The following INPP5D variants were observed in gnomAD, a reference collection of about 807,000 sequenced individuals.
INPP5D encodes phosphatidylinositol 3,4,5-trisphosphate 5-phosphatase 1.
Under a neutral mutation model 122.9 loss-of-function variants are expected in INPP5D, and 33 were observed. The ratio of observed to expected loss-of-function variants is 0.27; its 90% CI spans 0.20 to 0.36. The LOEUF (loss-of-function observed/expected upper bound fraction) is 0.36. Ranked by LOEUF, INPP5D falls within the 10% of genes least tolerant of loss-of-function variation. The pLI is 1.00. For synonymous variants in INPP5D, 584 were observed against 576.2 expected, an observed-to-expected ratio of 1.01 and a Z score of -0.19; for missense variants, 1,053 against 1,412.7, an observed-to-expected ratio of 0.75 and a Z score of 4.08.
At chr2:233,187,244 G>A (rs530868817) in intron 21 of INPP5D, among the ~76,000 whole-genome samples, 2 of 152,268 alleles carry the variant, frequency 1.3e-5, no homozygotes, top group African/African-American at 2.4e-5. Context: ...TGACAGTGGA[G>A]ATGTTGGGTG....
Position 233,199,160 on chromosome 2 carries a change from C to T in INPP5D, c.2975+784C>T, listed in dbSNP as rs1234079512. Among the ~76,000 whole-genome samples the T allele has an allele frequency of 4.6e-5, 7 of 152,202 alleles. No individual in the cohort carries two copies. The East Asian group carries it at 1.2e-3, about 25-fold the overall frequency. On this transcript the variant is annotated intron_variant, in intron 25 of 26. Coordinates refer to ENST00000445964, the MANE Select transcript of INPP5D (RefSeq NM_001017915.3). ...AGCTGAGGCAGGAGAATCGCTTGAG[C>T]CCAGGAGGCAGAGGTTGCAGTGAGC...
intron 9 of INPP5D, among the ~76,000 whole-genome samples, chr2:233,152,158 G>A (rs1015139546): frequency 7.2e-5 from 11 of 152,204 alleles, no homozygotes; most frequent in African/African-American, 2.7e-4. Flanking sequence ...TTCCTACAGG[G>A]GTTGTTGTGA....
At chr2:233,146,849 A>G (rs1460403688) in intron 8 of INPP5D, among the ~76,000 whole-genome samples, 3 of 152,178 alleles carry the variant, frequency 2.0e-5, no homozygotes, top group South Asian at 2.1e-4. Context: ...GGCTTGACCC[A>G]AAATGCGTTC....
At chr2:233,201,008 A>ATAAATAAG (rs1232254689) in intron 25 of INPP5D, among the ~76,000 whole-genome samples, 31 of 147,130 alleles carry the variant, frequency 2.1e-4, no homozygotes, top group African/African-American at 7.0e-4. Flanking sequence ...AAATAAATAA[A>ATAAATAAG]TAGATGAGAG....
intron 13 of INPP5D, among the ~76,000 whole-genome samples, 166 bp from the exon 14 acceptor site, chr2:233,169,139 C>T (rs1017127720): frequency 6.6e-6 from 1 of 152,176 alleles, no homozygotes; most frequent in African/African-American, 2.4e-5. Flanking sequence ...ATTTTCTCAT[C>T]TCCCGCTCTC....
chr2:233,167,207 CAAAAAAAA>C (rs565735597), intron 13 of INPP5D, among the ~76,000 whole-genome samples: 1 of 102,188 alleles, frequency 9.8e-6, no homozygotes, highest in Admixed American at 1.1e-4. Context: ...ACCATTTCTA[CAAAAAAAA>C]AAAAAAAAAA....
chr2:233,093,497 A>G (rs1284806935), intron 2 of INPP5D, among the ~76,000 whole-genome samples: 1 of 151,946 alleles, frequency 6.6e-6, no homozygotes, highest in Non-Finnish European at 1.5e-5. Context: ...CCTGGCCAAC[A>G]TGGTGAAACT....
intron 23 of INPP5D, among the ~76,000 whole-genome samples, chr2:233,194,320 C>A (rs1168376110): frequency 2.6e-5 from 4 of 152,122 alleles, no homozygotes; most frequent in African/African-American, 9.7e-5. Context: ...TCCAGGCTGT[C>A]CGGGGAAGGC....
chr2:233,130,440 GTTCCCATTGGTGATGGT>G (rs1407463592), intron 4 of INPP5D, 51 bp from the exon 5 acceptor site: 29 of 1,531,858 alleles, frequency 1.9e-5, no homozygotes, highest in Admixed American at 3.8e-5. Flanking sequence ...TGTGGTTGCT[GTTCCCATTGGTGATGGT>G]GGCTAAAAGA....
chr2:233,070,683 C>T (rs191480145), intron 1 of INPP5D, among the ~76,000 whole-genome samples: 54 of 152,108 alleles, frequency 3.6e-4, no homozygotes, highest in Non-Finnish European at 5.7e-4. Flanking sequence ...CCTTGTGGTC[C>T]GCTCGCCTCG....
Position 233,197,982 on chromosome 2 carries a change from T to A in INPP5D, c.2694-113T>A. On this transcript the variant is annotated intron_variant, in intron 24 of 26. Coordinates refer to ENST00000445964, the MANE Select transcript of INPP5D (RefSeq NM_001017915.3). This position sits in a 1 kb window ranked among gnomAD's most constrained non-coding sequence, Gnocchi z 4.4. ...GATCACTGCCCAAGAGGTGAAGGAG[T>A]TGAGGAGAGCTCGAGAGAGCCCTAG... The A allele has an allele frequency of 7.3e-7, 1 of 1,375,182 alleles. No homozygotes were observed. The highest frequency in any genetic ancestry group is 9.5e-7 in the Non-Finnish European group (1 of 1,052,724). The allele number at this position is 1,375,182 out of a possible 1,614,324, so 85.2% of individuals were successfully genotyped here.
At chr2:233,151,418 C>T (rs953111914) in intron 9 of INPP5D, among the ~76,000 whole-genome samples, 3 of 152,098 alleles carry the variant, frequency 2.0e-5, no homozygotes, top group African/African-American at 7.2e-5. Context: ...GGGAATGTGC[C>T]CACCTAGCTC....
At chr2:233,173,627 T>A (rs1694547671) in intron 17 of INPP5D, among the ~76,000 whole-genome samples, 1 of 152,164 alleles carries the variant, frequency 6.6e-6, no homozygotes, top group South Asian at 2.1e-4. Context: ...TACATTGACT[T>A]TTTTGTTGAA....
rs1267093443 is a variant in INPP5D, at chr2:233,078,940, C to T, written c.135-395C>T. 6.6e-6 allele frequency among the ~76,000 whole-genome samples: 1 copy of T among 152,158 alleles called. No individual in the cohort carries two copies. Among genetic ancestry groups the T allele is most frequent in the Non-Finnish European group, 1.5e-5 (1 of 68,028 alleles). On this transcript the variant is annotated intron_variant, in intron 1 of 26. Coordinates refer to ENST00000445964, the MANE Select transcript of INPP5D (RefSeq NM_001017915.3). This position sits in a 1 kb window ranked among gnomAD's most constrained non-coding sequence, Gnocchi z 4.6. ...TTGTGATCCACCCATCTCAGCCTCC[C>T]AAAGTGCTGGGATTACAGGCGTGAG...
chr2:233,124,513 C>T (rs1207815504), intron 3 of INPP5D, among the ~76,000 whole-genome samples: 1 of 152,230 alleles, frequency 6.6e-6, no homozygotes, highest in Non-Finnish European at 1.5e-5. Context: ...GAGCACTGCC[C>T]TCTGGAATCA....
At chr2:233,178,459 A>ATTAT (rs58617952) in intron 18 of INPP5D, among the ~76,000 whole-genome samples, 12,086 of 145,338 alleles carry the variant, frequency 0.083, 692 homozygotes, top group African/African-American at 0.16. Context: ...GTGGTATTTT[A>ATTAT]TTATTTATTT....
intron 22 of INPP5D, among the ~76,000 whole-genome samples, chr2:233,192,603 T>C (rs917438341): frequency 1.3e-5 from 2 of 152,238 alleles, no homozygotes; most frequent in Non-Finnish European, 2.9e-5. Flanking sequence ...ATGGACTTAC[T>C]GCATCCTCAT....
At chr2:233,201,529 C>T (rs1427954425) in intron 25 of INPP5D, among the ~76,000 whole-genome samples, 3 of 152,228 alleles carry the variant, frequency 2.0e-5, no homozygotes, top group Non-Finnish European at 2.9e-5. Flanking sequence ...CATCCCTTTC[C>T]GCTGCTCCAG....
chr2:233,109,018 G>A (rs953133782), intron 2 of INPP5D, among the ~76,000 whole-genome samples: 1 of 152,196 alleles, frequency 6.6e-6, no homozygotes, highest in African/African-American at 2.4e-5. Flanking sequence ...AGTCATTCCA[G>A]AAGCTAAATC....
Sources: allele counts gnomAD v4.1 joint callset (sites outside exome capture counted in the v4.1 genomes callset), GRCh38; gene constraint gnomAD v4.1.1; non-coding constraint Gnocchi (gnomAD v3.1); transcripts MANE v1.5; gene names NCBI Gene and HGNC (gene_info 2026-07-23, HGNC 2026-07-21).